The following CXADR variants were observed in gnomAD, a reference collection of about 807,000 sequenced individuals.
The protein encoded by CXADR is CXADR cell adhesion molecule, also known as coxsackievirus and adenovirus receptor.
A neutral mutation model predicts 40.3 loss-of-function variants in CXADR; 20 were observed. The observed-to-expected ratio is 0.50, with a 90% confidence interval of 0.35 to 0.72. The LOEUF is 0.72. Ranked by LOEUF, CXADR falls within the 30% of genes least tolerant of loss-of-function variation. CXADR has a pLI of 0.01. For missense variants in CXADR, 332 were observed against 449.1 expected (o/e 0.74, Z 2.36); for synonymous variants, 150 against 161.3 (o/e 0.93, Z 0.53).
rs183098252 is a variant in CXADR, at chr21:17,536,403, G to A, written c.44-10624G>A. Reference sequence around the variant, plus strand: ...TTCTCCCATGTAGGCTTCATTGTTCGGGTTCTTTGCTTCTCTGGATGCACA... The same window carrying A: ...TTCTCCCATGTAGGCTTCATTGTTCAGGTTCTTTGCTTCTCTGGATGCACA... On this transcript the variant is annotated intron_variant, in intron 1 of 6. Coordinates refer to ENST00000284878, the MANE Select transcript of CXADR (RefSeq NM_001338.5). Among the ~76,000 whole-genome samples the A allele has an allele frequency of 4.3e-4, 65 of 152,166 alleles. No homozygotes were observed. The East Asian group carries it at 7.9e-3, about 19-fold the overall frequency.
intron 4 of CXADR, among the ~76,000 whole-genome samples, chr21:17,559,399 G>C (rs1037896937): frequency 6.6e-6 from 1 of 151,848 alleles, no homozygotes. Flanking sequence ...TGCCTGTGCT[G>C]GTCTCAAACT....
At chr21:17,513,239 C>T (rs2060413819) in intron 1 of CXADR, 67 bp downstream of exon 1, 19 of 1,319,218 alleles carry the variant, frequency 1.4e-5, no homozygotes, top group Non-Finnish European at 1.9e-5. Flanking sequence ...CGCGGCCACC[C>T]AGGAACAATG....
rs183823427 is a variant in CXADR, at chr21:17,536,110, T to C, written c.44-10917T>C. 2.3e-4 allele frequency among the ~76,000 whole-genome samples: 35 copies of C among 152,322 alleles called. No homozygotes were observed. The East Asian group carries it at 6.4e-3, about 28-fold the overall frequency. The stretch of plus-strand genomic sequence containing the variant: ...TTTCGAGAAGAATCATGTATCAGTG[T>C]GTAATCTTTTTTCCTTTATTTCATC... On this transcript the variant is annotated intron_variant, in intron 1 of 6. Coordinates refer to ENST00000284878, the MANE Select transcript of CXADR (RefSeq NM_001338.5).
At chr21:17,558,264 G>A (rs968297924) in intron 3 of CXADR, among the ~76,000 whole-genome samples, 4 of 151,786 alleles carry the variant, frequency 2.6e-5, no homozygotes, top group African/African-American at 9.7e-5. Context: ...AAGTAGCTAC[G>A]ACCACAGGCA....
chr21:17,556,778 A>T (rs2739390), intron 3 of CXADR, among the ~76,000 whole-genome samples: 103,866 of 152,104 alleles, frequency 0.68, 35,441 homozygotes, highest in East Asian at 0.76. Flanking sequence ...CCCTTATTTT[A>T]AAAATGTAAG....
the CXADR span, among the ~76,000 whole-genome samples, chr21:17,621,174 A>G: frequency 1.3e-5 from 2 of 152,232 alleles, no homozygotes; most frequent in South Asian, 4.1e-4. Context: ...GACGCATACA[A>G]TCAACCATCA....
the CXADR span, among the ~76,000 whole-genome samples, chr21:17,602,919 T>C: frequency 6.6e-6 from 1 of 152,182 alleles, no homozygotes; most frequent in Non-Finnish European, 1.5e-5. Flanking sequence ...CCCCTGATGG[T>C]TTAGGATCAT....
Position 17,565,507 on chromosome 21 carries a change from A to G in CXADR, c.913A>G (p.Met305Val), listed in dbSNP as rs372541602. 28 of 1,613,934 alleles carry G rather than the reference A, an allele frequency of 1.7e-5. No individual in the cohort carries two copies. In the East Asian group the frequency reaches 5.1e-4, roughly 30 times the overall value. ...CAGTAATCATTCATCCCTGGGGTCCATGTCTCCTTCCAACATGGAAGGATA... is the reference window on the plus strand; with the variant it reads ...CAGTAATCATTCATCCCTGGGGTCCGTGTCTCCTTCCAACATGGAAGGATA... ...IGSNHSSLGSMSPSNMEGYSK... is the reference protein window; with the variant it reads ...IGSNHSSLGSVSPSNMEGYSK... The change falls in exon 7 of 7, where the codon ATG (methionine) becomes GTG (valine). Residue 305 changes from methionine (M) to valine (V), a missense_variant. Physicochemically the swap from Met to Val is conservative, Grantham distance 21. This residue lies in a region of CXADR where 150 missense variants were observed against 194.2 expected (regional missense o/e 0.77). Coordinates refer to ENST00000284878, the MANE Select transcript of CXADR (RefSeq NM_001338.5).
At chr21:17,579,978 A>G (rs1032891860) in intron 7 of CXADR, among the ~76,000 whole-genome samples, 4 of 152,036 alleles carry the variant, frequency 2.6e-5, no homozygotes, top group African/African-American at 9.7e-5. Flanking sequence ...GTGATGGACT[A>G]CTTTATTTAT....
Position 17,569,641 on chromosome 21 carries a change from C to CATTT in CXADR, c.*3952_*3955dup, listed in dbSNP as rs1016083766. The CATTT allele has an allele frequency of 1.0e-6, 1 of 981,370 alleles. No homozygotes were observed. The highest frequency in any genetic ancestry group is 1.8e-5 in the African/African-American group (1 of 57,096). The allele number at this position is 981,370 out of a possible 1,614,324, so 60.8% of individuals were successfully genotyped here. A position where few individuals can be genotyped will look rare whatever the true frequency, so the allele number is the denominator to read the frequency against. ...TTATTTATCTTTAGGGAAGGCTGAT[C>CATTT]ATTTATCTTATAGCAGATAACCCCA... On this transcript the variant is annotated 3_prime_UTR_variant, in exon 7 of 7. Transcript: ENST00000284878.
rs564955706 is a variant in CXADR, at chr21:17,565,200, A to C, written c.834-228A>C. Among the ~76,000 whole-genome samples the C allele has an allele frequency of 3.3e-5, 5 of 152,298 alleles. No homozygotes were observed. The South Asian group carries it at 1.0e-3, about 32-fold the overall frequency. ...AAATACCATATTTCATTAAGTGTGAAGTTATAACTCTTTAATCAGAATGAC... is the reference window on the plus strand; with the variant it reads ...AAATACCATATTTCATTAAGTGTGACGTTATAACTCTTTAATCAGAATGAC... On this transcript the variant is annotated intron_variant, in intron 6 of 6. Transcript: ENST00000284878.
intron 6 of CXADR, among the ~76,000 whole-genome samples, chr21:17,563,904 G>T (rs1262270468): frequency 9.4e-6 from 1 of 106,320 alleles, no homozygotes; most frequent in Non-Finnish European, 1.8e-5. Context: ...TCACGCCACT[G>T]CACTCCAGCC....
Position 17,513,162 on chromosome 21 carries a change from C to A in CXADR, c.33C>A (p.Cys11Ter). The change falls in exon 1 of 7, where the codon TGC (cysteine) becomes TGA (stop). Residue 11 changes from cysteine to a stop codon, truncating the protein, a stop_gained. Transcript: ENST00000284878. LOFTEE classifies it high-confidence loss of function. MALLLCFVLL[C>*]GVVDFARSLS... ...TCCTGCTGTGCTTCGTGCTCCTGTG[C>A]GGAGTAGTGGGTGAGTAGGGGCCAT... 1.5e-6 allele frequency: 2 copies of A among 1,366,766 alleles called. No homozygotes were observed. The highest frequency in any genetic ancestry group is 9.5e-7 in the Non-Finnish European group (1 of 1,057,330). 84.7% of individuals were successfully genotyped at this position (1,366,766 alleles called of 1,614,324 possible). A position where few individuals can be genotyped will look rare whatever the true frequency, so the allele number is the denominator to read the frequency against.
chr21:17,599,475 A>ATT, the CXADR span, among the ~76,000 whole-genome samples: 1,823 of 117,198 alleles, frequency 0.016, 95 homozygotes, highest in African/African-American at 0.05. Flanking sequence ...CCACTGGCTG[A>ATT]TTTTTTTTTT....
intron 7 of CXADR, among the ~76,000 whole-genome samples, chr21:17,592,750 A>G (rs2061450767): frequency 6.6e-6 from 1 of 151,902 alleles, no homozygotes; most frequent in Admixed American, 6.6e-5. Context: ...AGATTTCAGG[A>G]AAAGAGTAGA....
intron 7 of CXADR, among the ~76,000 whole-genome samples, chr21:17,581,472 C>A (rs1319484568): frequency 6.6e-6 from 1 of 152,166 alleles, no homozygotes; most frequent in Non-Finnish European, 1.5e-5. Context: ...TTCCTGACCT[C>A]AGGAGAAAAT....
At chr21:17,562,005 C>T (rs2061129193) in intron 6 of CXADR, among the ~76,000 whole-genome samples, 1 of 152,160 alleles carries the variant, frequency 6.6e-6, no homozygotes, top group African/African-American at 2.4e-5. Context: ...GACACTTGTA[C>T]AGGCACACTT....
chr21:17,581,074 A>G (rs1415929671), intron 7 of CXADR, among the ~76,000 whole-genome samples: 2 of 152,140 alleles, frequency 1.3e-5, no homozygotes. Flanking sequence ...TAATTTAACA[A>G]TTGCTCTCAG....
downstream of CXADR, chr21:17,593,633 C>T (rs2061464184): frequency 6.2e-6 from 1 of 161,494 alleles, no homozygotes; most frequent in Non-Finnish European, 1.3e-5. Flanking sequence ...CTTTTATGCA[C>T]ACAACAGAAA....
Sources: allele counts gnomAD v4.1 joint callset (sites outside exome capture counted in the v4.1 genomes callset), GRCh38; gene constraint gnomAD v4.1.1; regional missense constraint gnomAD v4.1.1; transcripts MANE v1.5; gene names NCBI Gene and HGNC (gene_info 2026-07-23, HGNC 2026-07-21).